Variants in SRSF11 observed in about 807,000 individuals in gnomAD.
SRSF11 encodes serine/arginine-rich splicing factor 11.
Under a neutral mutation model 56.0 loss-of-function variants are expected in SRSF11, and 9 were observed. The observed-to-expected ratio is 0.16, with a 90% CI of 0.10 to 0.28. SRSF11 has a LOEUF of 0.28. Among genes scored for constraint, SRSF11 ranks in the 10% least tolerant of loss-of-function variants. The pLI is 1.00. For missense variants in SRSF11, 421 were observed against 600.7 expected (o/e 0.70, Z 3.13); for synonymous variants, 222 against 215.3 (o/e 1.03, Z -0.27).
At chr1:70,249,420 C>T (rs1359852358) in intron 9 of SRSF11, 1 of 152,306 alleles carries the variant, frequency 6.6e-6, no homozygotes, top group African/African-American at 2.4e-5. Context: ...GTATTTCTAA[C>T]ATTTTGTCAT....
chr1:70,228,876 G>A lies in SRSF11; in HGVS notation c.337+321G>A, dbSNP rs144844629. 1.7e-4 allele frequency: 184 copies of A among 1,067,708 alleles called. 2 individuals are homozygous for A. In the East Asian group the frequency reaches 0.012, roughly 67 times the overall value. 66.1% of individuals were successfully genotyped at this position (1,067,708 alleles called of 1,614,324 possible). A position where few individuals can be genotyped will look rare whatever the true frequency, so the allele number is the denominator to read the frequency against. Reference sequence around the variant, plus strand: ...TAAGTTTTATGAAAAAGCCCTGAAGGTAAATGATTCACTCCATGTATGCTT... The same window carrying A: ...TAAGTTTTATGAAAAAGCCCTGAAGATAAATGATTCACTCCATGTATGCTT... On this transcript the variant is annotated intron_variant, in intron 2 of 11. Coordinates refer to ENST00000370949, the MANE Select transcript of SRSF11 (RefSeq NM_001350605.2).
chr1:70,206,352 C>T (rs1669020112), intron 1 of SRSF11, among the ~76,000 whole-genome samples: 1 of 151,370 alleles, frequency 6.6e-6, no homozygotes, highest in African/African-American at 2.4e-5. Context: ...AAGCTCATTC[C>T]TTTTTTTCAT....
chr1:70,209,915 CT>C (rs1669404645), intron 1 of SRSF11, among the ~76,000 whole-genome samples: 2 of 151,548 alleles, frequency 1.3e-5, no homozygotes, highest in Non-Finnish European at 2.9e-5. Context: ...ACATTCTTTT[CT>C]TTTCAGTGAA....
chr1:70,229,292 TA>T (rs1451002825), intron 2 of SRSF11: 1 of 1,287,660 alleles, frequency 7.8e-7, no homozygotes, highest in Non-Finnish European at 1.0e-6. Flanking sequence ...AGACATTAAC[TA>T]AAGGCCAGCA....
chr1:70,246,753 A>C lies in SRSF11; in HGVS notation c.933-65A>C. The C allele has an allele frequency of 3.2e-6, 3 of 933,820 alleles. No homozygotes were observed. The South Asian group carries it at 4.8e-5, about 15-fold the overall frequency. 57.8% of individuals were successfully genotyped at this position (933,820 alleles called of 1,614,324 possible). On this transcript the variant is annotated intron_variant, in intron 8 of 11. Coordinates refer to ENST00000370949, the MANE Select transcript of SRSF11 (RefSeq NM_001350605.2). ...GATCTGATTATATTTTTGTGTTTGT[A>C]GTGCTATATAAATTGGCATCAGCTG...
At chr1:70,217,071 C>T (rs753300434), upstream of SRSF11, among the ~76,000 whole-genome samples, 7 of 152,134 alleles carry the variant, frequency 4.6e-5, no homozygotes, top group Non-Finnish European at 8.8e-5. Flanking sequence ...ACACTTTTTC[C>T]GCCATCCCCT....
In SRSF11 at chr1:70,231,477, A is replaced by G. The variant is rs1432901306; in HGVS notation, c.338-791A>G. ...CATTTTTGGCTTAAGGAGTTTGGCT[A>G]AGTTAGCTTTTCAACTGGCACTGTA... On this transcript the variant is annotated intron_variant, in intron 2 of 11. Coordinates refer to ENST00000370949, the MANE Select transcript of SRSF11 (RefSeq NM_001350605.2). The G allele has an allele frequency of 6.6e-6, 7 of 1,058,640 alleles. No individual in the cohort carries two copies. In the East Asian group the frequency reaches 2.4e-4, roughly 36 times the overall value. 65.6% of individuals were successfully genotyped at this position (1,058,640 alleles called of 1,614,324 possible). A position where few individuals can be genotyped will look rare whatever the true frequency, so the allele number is the denominator to read the frequency against.
intron 1 of SRSF11, 26 bp downstream of exon 1, chr1:70,221,865 C>T (rs202184074): frequency 1.9e-6 from 3 of 1,612,496 alleles, no homozygotes; most frequent in Non-Finnish European, 2.5e-6. Context: ...CATCACTGTT[C>T]CTGCTAACGC....
chr1:70,249,649 G>A (rs996984218), intron 9 of SRSF11: 3 of 257,562 alleles, frequency 1.2e-5, no homozygotes, highest in Non-Finnish European at 1.5e-5. Flanking sequence ...TTCAACCTCC[G>A]CAGGCTCAAG....
At chr1:70,206,005 G>A (rs1228112147) in intron 1 of SRSF11, among the ~76,000 whole-genome samples, 1 of 152,164 alleles carries the variant, frequency 6.6e-6, no homozygotes, top group Non-Finnish European at 1.5e-5. Flanking sequence ...CGCTTGTGGT[G>A]GTGGCGCCAG....
chr1:70,227,155 G>C (rs1000042106), intron 1 of SRSF11, among the ~76,000 whole-genome samples: 1 of 152,074 alleles, frequency 6.6e-6, no homozygotes, highest in African/African-American at 2.4e-5. Flanking sequence ...GGGGTTTTTT[G>C]TTAGGCCTAA....
intron 7 of SRSF11, among the ~76,000 whole-genome samples, chr1:70,243,408 C>T (rs1305998992): frequency 7.7e-6 from 1 of 130,492 alleles, no homozygotes; most frequent in Admixed American, 8.3e-5. Context: ...CGTTAAAGCT[C>T]ATGTTATTCA....
exon 1 of SRSF11, chr1:70,205,737 C>T: frequency 2.0e-6 from 1 of 497,738 alleles, no homozygotes; most frequent in South Asian, 4.3e-5. Flanking sequence ...GAAGCCTTTT[C>T]CGTTGCCGGT....
In SRSF11 at chr1:70,250,970, C is replaced by G; in HGVS notation, c.*165C>G. 1.6e-6 allele frequency: 1 copy of G among 622,784 alleles called. No individual in the cohort carries two copies. Among genetic ancestry groups the G allele is most frequent in the Non-Finnish European group, 2.7e-6 (1 of 367,982 alleles). The allele number at this position is 622,784 out of a possible 1,614,324, so 38.6% of individuals were successfully genotyped here. On this transcript the variant is annotated 3_prime_UTR_variant, in exon 12 of 12. Transcript: ENST00000370949. ...CATATTAGTTATTTACATCAAAAAG[C>G]TTTTAGAAAATGGTACGAGGTAACC...
upstream of SRSF11, among the ~76,000 whole-genome samples, chr1:70,216,487 C>T (rs941826437): frequency 1.3e-5 from 2 of 150,440 alleles, no homozygotes; most frequent in Non-Finnish European, 2.9e-5. Context: ...GACTAGAGTA[C>T]AGTGTCACGA....
chr1:70,211,806 A>C (rs879846895), intron 1 of SRSF11, among the ~76,000 whole-genome samples: 7 of 152,206 alleles, frequency 4.6e-5, no homozygotes, highest in Admixed American at 4.6e-4. Context: ...CAAATCTGTG[A>C]ACCCAGCCAT....
intron 7 of SRSF11, among the ~76,000 whole-genome samples, chr1:70,242,676 AAT>A (rs1369306316): frequency 3.3e-5 from 5 of 152,146 alleles, no homozygotes; most frequent in African/African-American, 1.2e-4. Context: ...CTTTATTAAA[AAT>A]ATGTTACACT....
At chr1:70,231,399 C>T in intron 2 of SRSF11, 3 of 1,051,586 alleles carry the variant, frequency 2.9e-6, no homozygotes, top group Non-Finnish European at 3.5e-6. Context: ...GTTTTAGGAC[C>T]CTTAGATTTT....
intron 1 of SRSF11, among the ~76,000 whole-genome samples, chr1:70,226,787 G>A (rs1392293811): frequency 6.6e-6 from 1 of 152,210 alleles, no homozygotes; most frequent in East Asian, 1.9e-4. Flanking sequence ...CCCATCTATT[G>A]GGGAAGCTGG....
Sources: allele counts gnomAD v4.1 joint callset (sites outside exome capture counted in the v4.1 genomes callset), GRCh38; gene constraint gnomAD v4.1.1; transcripts MANE v1.5; gene names NCBI Gene and HGNC (gene_info 2026-07-23, HGNC 2026-07-21).